RGS6: variants seen among roughly 807,000 people sequenced by gnomAD.
RGS6 encodes the protein regulator of G protein signaling 6, also known as regulator of G-protein signaling 6.
Under a neutral mutation model 78.5 loss-of-function variants are expected in RGS6, and 30 were observed. The ratio of observed to expected loss-of-function variants is 0.38; its 90% CI spans 0.29 to 0.52. The LOEUF is 0.52. Ranked by LOEUF, RGS6 falls within the 20% of genes least tolerant of loss-of-function variation. The pLI is 0.85. For synonymous variants in RGS6, 206 were observed against 206.0 expected (o/e 1.00, Z 0.00); for missense variants, 495 against 609.7 (o/e 0.81, Z 1.98).
chr14:71,945,568 A>G (rs2091383770), intron 1 of RGS6, among the ~76,000 whole-genome samples: 1 of 152,244 alleles, frequency 6.6e-6, no homozygotes, highest in African/African-American at 2.4e-5. Flanking sequence ...TACTCCCAGA[A>G]ATACATTTAT....
At chr14:71,998,879 G>A (rs556165146) in intron 2 of RGS6, among the ~76,000 whole-genome samples, 8 of 152,300 alleles carry the variant, frequency 5.3e-5, no homozygotes, top group African/African-American at 1.9e-4. Flanking sequence ...TTGAAGTGTG[G>A]AAGCAGCCAG....
chr14:72,441,385 C>G (rs2095193849), intron 3 of RGS6, among the ~76,000 whole-genome samples: 1 of 152,208 alleles, frequency 6.6e-6, no homozygotes, highest in African/African-American at 2.4e-5. Context: ...CCTGCAAAGC[C>G]AGGCCTTGAC....
intron 2 of RGS6, among the ~76,000 whole-genome samples, chr14:72,315,601 G>A (rs1393352169): frequency 1.3e-5 from 2 of 152,158 alleles, no homozygotes; most frequent in African/African-American, 2.4e-5. Context: ...TTAATTAGTA[G>A]TTTTAACAGA....
At chr14:72,122,151 CATTATG>C (rs1202818508) in intron 2 of RGS6, among the ~76,000 whole-genome samples, 1 of 152,168 alleles carries the variant, frequency 6.6e-6, no homozygotes, top group East Asian at 1.9e-4. Flanking sequence ...CAATGCTTTG[CATTATG>C]ATGGGTGTCT....
At chr14:72,013,137 G>T (rs552846117) in intron 2 of RGS6, among the ~76,000 whole-genome samples, 1 of 151,832 alleles carries the variant, frequency 6.6e-6, no homozygotes, top group African/African-American at 2.4e-5. Flanking sequence ...TGGGTGTGGT[G>T]GTACGTGCCT....
chr14:72,011,814 AG>A lies in RGS6; in HGVS notation c.84+46943del, dbSNP rs1180333895. On this transcript the variant is annotated intron_variant, in intron 2 of 17. Coordinates refer to ENST00000553525, the MANE Select transcript of RGS6 (RefSeq NM_001204424.2). ...TGGAGGCAATCTTCCTGGGATACTG[AG>A]GGGTGACTGTAACTTATTTTCAGTA... 8.5e-5 allele frequency among the ~76,000 whole-genome samples: 13 copies of A among 152,292 alleles called. No homozygotes were observed. In the East Asian group the frequency reaches 2.5e-3, roughly 29 times the overall value.
At chr14:72,481,806 T>A (rs2096384235) in intron 12 of RGS6, among the ~76,000 whole-genome samples, 1 of 60,980 alleles carries the variant, frequency 1.6e-5, no homozygotes, top group Non-Finnish European at 2.8e-5. Flanking sequence ...TTATTTTAAC[T>A]TTTTTTTTTT....
the RGS6 span, among the ~76,000 whole-genome samples, chr14:72,605,039 C>CA: frequency 6.6e-6 from 1 of 152,144 alleles, no homozygotes; most frequent in African/African-American, 2.4e-5. Context: ...AGGGAGGGTA[C>CA]AGCCATGGAT....
chr14:71,931,788 T>C (rs1362325207), upstream of RGS6, among the ~76,000 whole-genome samples: 1 of 152,248 alleles, frequency 6.6e-6, no homozygotes, highest in East Asian at 1.9e-4. Context: ...TCTCATTTTC[T>C]GTCTTCGACT....
chr14:71,959,136 G>A (rs183738905), intron 1 of RGS6, among the ~76,000 whole-genome samples: 1 of 152,134 alleles, frequency 6.6e-6, no homozygotes, highest in East Asian at 1.9e-4. Context: ...CGAATATATA[G>A]GAAATGTCAA....
At chr14:71,955,104 C>CT (rs2092682848) in intron 1 of RGS6, among the ~76,000 whole-genome samples, 2 of 152,170 alleles carry the variant, frequency 1.3e-5, no homozygotes, top group South Asian at 4.1e-4. Flanking sequence ...GCTGTAGGTG[C>CT]TAGAGGCTTC....
chr14:72,449,722 C>T (rs1307979874), intron 3 of RGS6, among the ~76,000 whole-genome samples: 1 of 152,192 alleles, frequency 6.6e-6, no homozygotes, highest in Admixed American at 6.5e-5. Flanking sequence ...GGTGGACAGC[C>T]CTGTCAGAGT....
chr14:72,144,523 T>G (rs1275332712), intron 2 of RGS6, among the ~76,000 whole-genome samples: 3 of 152,212 alleles, frequency 2.0e-5, no homozygotes, highest in African/African-American at 7.2e-5. Context: ...AGAGCCCTTT[T>G]GAATGATTTA....
intron 2 of RGS6, among the ~76,000 whole-genome samples, chr14:72,344,602 C>T (rs1488319599): frequency 6.6e-6 from 1 of 152,192 alleles, no homozygotes; most frequent in African/African-American, 2.4e-5. Context: ...GCACTCATGT[C>T]ATTCATGTAT....
the RGS6 span, among the ~76,000 whole-genome samples, chr14:71,887,994 C>A: frequency 6.6e-6 from 1 of 152,054 alleles, no homozygotes; most frequent in Non-Finnish European, 1.5e-5. Context: ...GCGGGCATCA[C>A]GGTCCTACCG....
At chr14:72,611,176 C>T in the RGS6 span, among the ~76,000 whole-genome samples, 3 of 152,208 alleles carry the variant, frequency 2.0e-5, no homozygotes, top group Non-Finnish European at 2.9e-5. Context: ...TACACACCTT[C>T]CCCCAAGCCC....
chr14:72,089,813 C>T (rs1181563553), intron 2 of RGS6, among the ~76,000 whole-genome samples: 1 of 152,156 alleles, frequency 6.6e-6, no homozygotes, highest in Non-Finnish European at 1.5e-5. Context: ...TCCTATATAC[C>T]ACCACCTCAC....
At chr14:72,308,913 C>A (rs556321754) in intron 2 of RGS6, among the ~76,000 whole-genome samples, 46 of 152,240 alleles carry the variant, frequency 3.0e-4, no homozygotes, top group African/African-American at 1.0e-3. Context: ...TCATTTCATG[C>A]CTTTTACACT....
At chr14:72,521,881 C>G (rs1184917671) in intron 15 of RGS6, among the ~76,000 whole-genome samples, 1 of 152,214 alleles carries the variant, frequency 6.6e-6, no homozygotes, top group East Asian at 1.9e-4. Context: ...CACAATAAGA[C>G]AGAGTAAATA....
Sources: gnomAD v4.1 joint callset for allele counts (sites outside exome capture counted in the v4.1 genomes callset) on GRCh38, gnomAD v4.1.1 for gene constraint, MANE v1.5 for transcripts, NCBI Gene and HGNC (gene_info 2026-07-23, HGNC 2026-07-21) for gene names.